The following NBPF12 variants were observed in gnomAD, a reference collection of about 807,000 sequenced individuals.
NBPF12 encodes NBPF member 12, also known as NBPF family member NBPF12.
In NBPF12, 115 loss-of-function variants were observed where a neutral mutation model predicts 146.4. That is an observed-to-expected ratio of 0.79 (90% CI 0.68 to 0.92). The LOEUF (loss-of-function observed/expected upper bound fraction) is 0.92. NBPF12 is among the 40% of genes least tolerant of loss of function. NBPF12 has a pLI of 0.00. For synonymous variants in NBPF12, 385 were observed against 508.9 expected, an observed-to-expected ratio of 0.76 and a Z score of 3.28; for missense variants, 1,205 against 1,326.8, an observed-to-expected ratio of 0.91 and a Z score of 1.43.
intron 23 of NBPF12, among the ~76,000 whole-genome samples, chr1:146,986,122 G>A (rs1328519144): frequency 9.9e-5 from 15 of 151,558 alleles, no homozygotes; most frequent in Non-Finnish European, 1.3e-4. Context: ...CGGCCAATTC[G>A]CTGAGCTCAC....
chr1:146,984,869 A>G, exon 22 of NBPF12: 1 of 1,565,236 alleles, frequency 6.4e-7, no homozygotes, highest in Non-Finnish European at 8.8e-7. Context: ...GACTCACTGG[A>G]TAGATGTTAT....
intron 29 of NBPF12, among the ~76,000 whole-genome samples, chr1:146,990,767 G>A (rs1658092894): frequency 8.6e-6 from 1 of 116,814 alleles, no homozygotes; most frequent in Non-Finnish European, 1.7e-5. Context: ...TCTTGAGCAA[G>A]TTTATGGAAA....
intron 19 of NBPF12, among the ~76,000 whole-genome samples, chr1:146,980,500 G>A (rs1309992192): frequency 6.6e-6 from 1 of 151,602 alleles, no homozygotes; most frequent in African/African-American, 2.4e-5. Context: ...GCTCTTTTTG[G>A]GCAGGCCTGG....
chr1:146,962,586 T>A (rs1655924882), intron 5 of NBPF12, among the ~76,000 whole-genome samples: 1 of 151,572 alleles, frequency 6.6e-6, no homozygotes, highest in Non-Finnish European at 1.5e-5. Context: ...GCCACCCCAC[T>A]TACCCTTAGT....
At chr1:146,940,329 C>T (rs1214328670) in intron 1 of NBPF12, among the ~76,000 whole-genome samples, 3 of 151,806 alleles carry the variant, frequency 2.0e-5, no homozygotes, top group Non-Finnish European at 4.4e-5. Context: ...GTGATCTGGG[C>T]GTGGTAGATC....
At chr1:146,968,679 T>G (rs1553885953) in intron 10 of NBPF12, 129 bp downstream of exon 13, 3 of 796,086 alleles carry the variant, frequency 3.8e-6, no homozygotes, top group Non-Finnish European at 6.4e-6. Context: ...GCAGGCTCGC[T>G]ACACACAAAT....
chr1:146,952,197 C>T (rs1366886783), intron 2 of NBPF12, among the ~76,000 whole-genome samples: 1 of 151,900 alleles, frequency 6.6e-6, no homozygotes, highest in Non-Finnish European at 1.5e-5. Flanking sequence ...TTAATTCAGG[C>T]AGGTTTATTG....
At chr1:146,978,006 G>A (rs1657154393) in intron 18 of NBPF12, among the ~76,000 whole-genome samples, 1 of 151,956 alleles carries the variant, frequency 6.6e-6, no homozygotes, top group Non-Finnish European at 1.5e-5. Context: ...TGTCCATGGA[G>A]TTTCTATGCC....
exon 4 of NBPF12, chr1:146,960,193 T>C (rs1655765961): frequency 8.9e-6 from 7 of 782,848 alleles, no homozygotes; most frequent in East Asian, 2.5e-5. Context: ...GAGATGAACA[T>C]TCTAGAAATC....
At chr1:146,967,061 A>G (rs1374323756) in intron 9 of NBPF12, among the ~76,000 whole-genome samples, 3 of 151,408 alleles carry the variant, frequency 2.0e-5, no homozygotes, top group African/African-American at 7.4e-5. Context: ...TATTCAGTCC[A>G]AGTTTCTGTT....
intron 8 of NBPF12, among the ~76,000 whole-genome samples, chr1:146,965,459 A>G (rs1380215317): frequency 1.3e-5 from 2 of 149,350 alleles, no homozygotes; most frequent in East Asian, 4.0e-4. Context: ...GTCAGGCTAG[A>G]CTCTCTTTTT....
chr1:146,976,988 T>A (rs1657078085), exon 17 of NBPF12: 5 of 719,478 alleles, frequency 6.9e-6, no homozygotes, highest in Middle Eastern at 3.7e-4. Flanking sequence ...AGTGCAGAAA[T>A]CGTCTTCCCC....
intron 6 of NBPF12, 43 bp from the exon 10 acceptor site, chr1:146,964,314 A>C: frequency 1.3e-6 from 2 of 1,598,662 alleles, no homozygotes; most frequent in South Asian, 1.1e-5. Context: ...TGCTTGCAGA[A>C]TGTGAAGTGG....
At chr1:146,960,911 G>A (rs1385160294) in intron 4 of NBPF12, among the ~76,000 whole-genome samples, 1 of 152,130 alleles carries the variant, frequency 6.6e-6, no homozygotes, top group Non-Finnish European at 1.5e-5. Context: ...ACTTTGGGAG[G>A]CTGAGGCGGG....
upstream of NBPF12, among the ~76,000 whole-genome samples, chr1:146,948,486 G>A (rs1655171928): frequency 6.6e-6 from 1 of 151,596 alleles, no homozygotes. Flanking sequence ...TGTCAACTCA[G>A]GGTTAAATGG....
intron 27 of NBPF12, among the ~76,000 whole-genome samples, chr1:146,989,288 G>T (rs113540700): frequency 2.1e-5 from 3 of 144,944 alleles, no homozygotes; most frequent in East Asian, 2.0e-4. Context: ...AGTGTCCTTT[G>T]ACTCCCTTAC....
Position 146,989,569 on chromosome 1 carries a change from T to TC in NBPF12, c.3399-3dup. 1 of 1,499,170 alleles carries TC rather than the reference T, an allele frequency of 6.7e-7. No homozygotes were observed. Among genetic ancestry groups the TC allele is most frequent in the East Asian group, 2.3e-5 (1 of 44,328 alleles). The allele number at this position is 1,499,170 out of a possible 1,614,324, so 92.9% of individuals were successfully genotyped here. On this transcript the variant is annotated splice_polypyrimidine_tract_variant and splice_region_variant and intron_variant, in intron 27 of 33. Transcript: ENST00000617844. The stretch of plus-strand genomic sequence containing the variant: ...GCTTATTCTTTACTTTTTCCCACTT[T>TC]CCAGGCTCAGCAGGGAGCTGCTGGC...
intron 2 of NBPF12, among the ~76,000 whole-genome samples, chr1:146,952,630 TG>T (rs1189963869): frequency 6.7e-6 from 1 of 149,160 alleles, no homozygotes; most frequent in Non-Finnish European, 1.5e-5. Context: ...ATTCTCCTTT[TG>T]TTTCCCCATA....
intron 16 of NBPF12, among the ~76,000 whole-genome samples, chr1:146,976,246 C>G (rs1657004200): frequency 6.6e-6 from 1 of 151,820 alleles, no homozygotes. Context: ...CGGCAATGTT[C>G]TTAGTAACTG....
Sources: gnomAD v4.1 joint callset for allele counts (sites outside exome capture counted in the v4.1 genomes callset) on GRCh38, gnomAD v4.1.1 for gene constraint, MANE v1.5 for transcripts, NCBI Gene and HGNC (gene_info 2026-07-23, HGNC 2026-07-21) for gene names.